PRICKLE1: variants seen among roughly 807,000 people sequenced by gnomAD.
PRICKLE1 encodes the protein prickle planar cell polarity protein 1.
PRICKLE1 carries 14 observed loss-of-function variants against 70.2 expected under a neutral mutation model. That is an observed-to-expected ratio of 0.20 (90% CI 0.13 to 0.31). The LOEUF (loss-of-function observed/expected upper bound fraction) is 0.31, where lower values mean the gene tolerates loss of function less well. PRICKLE1 is among the 10% of genes least tolerant of loss of function. The probability of loss-of-function intolerance (pLI) is 1.00; values close to 1 mark genes in which losing one functional copy is unlikely to be tolerated. For missense variants in PRICKLE1, 821 were observed against 1,026.2 expected, an observed-to-expected ratio of 0.80 and a Z score of 2.73; for synonymous variants, 357 against 379.9, an observed-to-expected ratio of 0.94 and a Z score of 0.70.
Position 42,478,441 on chromosome 12 carries a change from T to C in PRICKLE1, c.-48-5877A>G, listed in dbSNP as rs764798079. On this transcript the variant is annotated intron_variant, in intron 1 of 7. Transcript: ENST00000345127. ...TTTTCAGAGATGGGTTTGTTCAGGT[T>C]CCAAATAGTCTGACCATTAAGGAGG... 7.8e-4 allele frequency among the ~76,000 whole-genome samples: 119 copies of C among 152,284 alleles called. 2 individuals are homozygous for C. The Middle Eastern group carries it at 0.014, about 17-fold the overall frequency.
intron 1 of PRICKLE1, among the ~76,000 whole-genome samples, chr12:42,572,196 G>A (rs1026739110): frequency 6.6e-5 from 10 of 152,122 alleles, no homozygotes. Flanking sequence ...CACTTTGGGA[G>A]GCCGAGGCGG....
At chr12:42,466,015 G>T (rs550057567) in intron 6 of PRICKLE1, 179 bp downstream of exon 6, 22 of 695,910 alleles carry the variant, frequency 3.2e-5, no homozygotes, top group Admixed American at 7.0e-5. Flanking sequence ...CAAGTAACAA[G>T]AATCAACTCT....
At chr12:42,575,708 A>T (rs1940794261) in intron 1 of PRICKLE1, among the ~76,000 whole-genome samples, 3 of 152,114 alleles carry the variant, frequency 2.0e-5, no homozygotes, top group Admixed American at 2.0e-4. Flanking sequence ...AAAAATAAAA[A>T]AAAAAATAAA....
chr12:42,536,515 G>T (rs11181546), intron 1 of PRICKLE1, among the ~76,000 whole-genome samples: 22,586 of 152,052 alleles, frequency 0.15, 2,115 homozygotes, highest in East Asian at 0.24. Context: ...TCACAGTCCC[G>T]TGTCCTGAAA....
chr12:42,460,775 TA>T, intron 7 of PRICKLE1, 110 bp from the exon 8 acceptor site: 1 of 1,316,486 alleles, frequency 7.6e-7, no homozygotes, highest in Non-Finnish European at 1.1e-6. Flanking sequence ...CCAATCTCAA[TA>T]TTTGATTAAA....
intron 1 of PRICKLE1, among the ~76,000 whole-genome samples, chr12:42,572,013 G>A (rs1940723694): frequency 6.6e-6 from 1 of 152,104 alleles, no homozygotes; most frequent in Non-Finnish European, 1.5e-5. Context: ...TAAACAATTT[G>A]GGCAGATTTC....
intron 1 of PRICKLE1, among the ~76,000 whole-genome samples, chr12:42,493,095 A>G (rs907512068): frequency 4.6e-5 from 7 of 152,186 alleles, no homozygotes; most frequent in African/African-American, 1.7e-4. Context: ...TAGAGTTTCA[A>G]TGTTCCAATT....
At chr12:42,582,308 C>T (rs1412888981) in intron 1 of PRICKLE1, among the ~76,000 whole-genome samples, 1 of 152,192 alleles carries the variant, frequency 6.6e-6, no homozygotes, top group African/African-American at 2.4e-5. Context: ...GCTCCTTTCT[C>T]AAGGCTTGTG....
At chr12:42,552,185 G>A (rs1940330204) in intron 1 of PRICKLE1, among the ~76,000 whole-genome samples, 1 of 150,042 alleles carries the variant, frequency 6.7e-6, no homozygotes, top group South Asian at 2.1e-4. Context: ...TCCCACCTCA[G>A]CCTCCCAAGT....
intron 1 of PRICKLE1, among the ~76,000 whole-genome samples, chr12:42,538,424 T>A (rs1401936539): frequency 1.3e-5 from 2 of 152,158 alleles, no homozygotes; most frequent in Non-Finnish European, 2.9e-5. Flanking sequence ...CAAACTTAAA[T>A]GTGCATAGCA....
chr12:42,517,280 A>C (rs923613740), intron 1 of PRICKLE1, among the ~76,000 whole-genome samples: 6 of 150,080 alleles, frequency 4.0e-5, no homozygotes, highest in African/African-American at 1.5e-4. Context: ...AAGGGGACAG[A>C]ACTAAATGTG....
In PRICKLE1 at chr12:42,564,630, A is replaced by G. The variant is rs1592033336; in HGVS notation, c.-49+24835T>C. Among the ~76,000 whole-genome samples the G allele has an allele frequency of 2.0e-5, 3 of 152,254 alleles. No individual in the cohort carries two copies. The South Asian group carries it at 6.2e-4, about 32-fold the overall frequency. On this transcript the variant is annotated intron_variant, in intron 1 of 7. Coordinates refer to ENST00000345127, the MANE Select transcript of PRICKLE1 (RefSeq NM_153026.3). ...CAAAAAAAGAAAAAAAAGAAAAGAA[A>G]TCTTTCTTGAGGTCATATTTTAAAT... is the stretch of plus-strand genomic sequence containing the variant.
chr12:42,548,394 C>A (rs1024810269), intron 1 of PRICKLE1, among the ~76,000 whole-genome samples: 14 of 152,272 alleles, frequency 9.2e-5, no homozygotes, highest in African/African-American at 3.1e-4. Flanking sequence ...AACATATTAA[C>A]ACATATATAT....
intron 1 of PRICKLE1, among the ~76,000 whole-genome samples, chr12:42,500,048 T>A (rs1393768815): frequency 6.6e-6 from 1 of 151,714 alleles, no homozygotes; most frequent in Non-Finnish European, 1.5e-5. Flanking sequence ...ACCGTGCCCA[T>A]CCACGGCCTA....
chr12:42,560,119 ATTATTATTAT>A (rs1469153006), intron 1 of PRICKLE1, among the ~76,000 whole-genome samples: 3 of 83,082 alleles, frequency 3.6e-5, no homozygotes, highest in Non-Finnish European at 6.4e-5. Context: ...TATTATTATT[ATTATTATTAT>A]TATTATTATT....
chr12:42,472,111 C>T (rs1324874005), intron 2 of PRICKLE1, among the ~76,000 whole-genome samples: 1 of 152,166 alleles, frequency 6.6e-6, no homozygotes, highest in African/African-American at 2.4e-5. Flanking sequence ...ATAACCAATG[C>T]ATATGTAGTA....
intron 1 of PRICKLE1, among the ~76,000 whole-genome samples, chr12:42,526,084 A>G (rs1408622589): frequency 6.6e-6 from 1 of 152,218 alleles, no homozygotes; most frequent in Non-Finnish European, 1.5e-5. Flanking sequence ...TAATGTATTC[A>G]TTGTGAAGCT....
chr12:42,506,615 G>A (rs2708037), intron 1 of PRICKLE1, among the ~76,000 whole-genome samples: 21,988 of 117,662 alleles, frequency 0.19, 2,536 homozygotes, highest in Middle Eastern at 0.34. Context: ...TCACTCTGTC[G>A]CCCAGGCTGG....
rs140497059 is a variant in PRICKLE1, at chr12:42,485,113, TG to T, written c.-48-12550del. Among the ~76,000 whole-genome samples the T allele has an allele frequency of 2.0e-4, 30 of 152,248 alleles. No homozygotes were observed. In the East Asian group the frequency reaches 3.3e-3, roughly 17 times the overall value. ...CCTATGTGGTTCTACAGTATACACG[TG>T]AACAATAGCTCATTGTAACTGTGAT... On this transcript the variant is annotated intron_variant, in intron 1 of 7. Coordinates refer to ENST00000345127, the MANE Select transcript of PRICKLE1 (RefSeq NM_153026.3).
Sources: gnomAD v4.1 joint callset for allele counts (sites outside exome capture counted in the v4.1 genomes callset) on GRCh38, gnomAD v4.1.1 for gene constraint, MANE v1.5 for transcripts, NCBI Gene and HGNC (gene_info 2026-07-23, HGNC 2026-07-21) for gene names.